FER: variants seen among roughly 807,000 people sequenced by gnomAD.
FER encodes the protein tyrosine-protein kinase Fer.
Under a neutral mutation model 111.0 loss-of-function variants are expected in FER, and 63 were observed. That is an observed-to-expected ratio of 0.57 (90% CI 0.46 to 0.70). FER has a LOEUF of 0.70. Ranked by LOEUF, FER falls within the 30% of genes least tolerant of loss-of-function variation. The pLI, the probability that FER is intolerant of heterozygous loss-of-function variation, is 0.00. For missense variants in FER, 914 were observed against 954.0 expected (o/e 0.96, Z 0.55); for synonymous variants, 327 against 313.9 (o/e 1.04, Z -0.44).
chr5:108,946,420 G>A (rs912046581), intron 11 of FER, among the ~76,000 whole-genome samples, 198 bp downstream of exon 11: 2 of 151,672 alleles, frequency 1.3e-5, no homozygotes, highest in Admixed American at 6.6e-5. Context: ...TATGTGTATA[G>A]TAAAATCCCA....
intron 3 of FER, among the ~76,000 whole-genome samples, chr5:108,831,234 C>A (rs1298462035): frequency 1.3e-5 from 2 of 152,084 alleles, no homozygotes; most frequent in African/African-American, 4.8e-5. Flanking sequence ...TTTGAAGATA[C>A]AGCAAGAAGA....
chr5:109,150,089 C>T (rs1413059830), intron 17 of FER, among the ~76,000 whole-genome samples: 1 of 152,114 alleles, frequency 6.6e-6, no homozygotes, highest in Non-Finnish European at 1.5e-5. Context: ...CCACCGCCAC[C>T]CCTGTTTGTG....
At chr5:108,807,493 T>G (rs1439033080) in intron 3 of FER, among the ~76,000 whole-genome samples, 1 of 152,226 alleles carries the variant, frequency 6.6e-6, no homozygotes, top group African/African-American at 2.4e-5. Flanking sequence ...CTTATTGTGC[T>G]TATTTTCATT....
chr5:109,029,772 C>T (rs1476858141), intron 13 of FER, among the ~76,000 whole-genome samples: 1 of 152,060 alleles, frequency 6.6e-6, no homozygotes, highest in Non-Finnish European at 1.5e-5. Context: ...CTTTCCTTGT[C>T]GGAAGTTTGA....
intron 10 of FER, among the ~76,000 whole-genome samples, chr5:108,933,942 A>T (rs1755072320): frequency 6.6e-6 from 1 of 152,112 alleles, no homozygotes; most frequent in Non-Finnish European, 1.5e-5. Context: ...ATTTTTGTAC[A>T]CTGATTTTGT....
intron 3 of FER, among the ~76,000 whole-genome samples, chr5:108,814,129 C>G (rs1243053597): frequency 6.6e-6 from 1 of 152,044 alleles, no homozygotes; most frequent in Non-Finnish European, 1.5e-5. Flanking sequence ...ATCCAGAATT[C>G]AATACACAGT....
Position 109,190,717 on chromosome 5 carries a change from G to A in FER, c.*3142G>A, listed in dbSNP as rs1290347084. The A allele has an allele frequency of 7.2e-5, 11 of 152,150 alleles. No individual in the cohort carries two copies. The highest frequency in any genetic ancestry group is 1.0e-4 in the Non-Finnish European group (7 of 67,992). 9.4% of individuals were successfully genotyped at this position (152,150 alleles called of 1,614,324 possible). ...AGGTCTCCAGTGAGAGGTCTCCAGTGAAAGGTCTCATGTAATTGTTTCTCT... is the reference window on the plus strand; with the variant it reads ...AGGTCTCCAGTGAGAGGTCTCCAGTAAAAGGTCTCATGTAATTGTTTCTCT... On this transcript the variant is annotated 3_prime_UTR_variant, in exon 20 of 20. Transcript: ENST00000281092.
intron 4 of FER, 108 bp from the exon 5 acceptor site, chr5:108,835,600 G>C: frequency 1.6e-6 from 1 of 621,400 alleles, no homozygotes; most frequent in Non-Finnish European, 2.8e-6. Flanking sequence ...GGACAACTCT[G>C]ACCTGTAAGT....
intron 13 of FER, among the ~76,000 whole-genome samples, chr5:108,992,877 G>A (rs1763424624): frequency 6.6e-6 from 1 of 151,382 alleles, no homozygotes; most frequent in African/African-American, 2.4e-5. Flanking sequence ...CGGCCAGGCA[G>A]AGGCGCTCCT....
intron 16 of FER, among the ~76,000 whole-genome samples, chr5:109,048,197 T>C (rs1772272422): frequency 6.6e-6 from 1 of 152,112 alleles, no homozygotes; most frequent in African/African-American, 2.4e-5. Flanking sequence ...TTTTTCATGA[T>C]TTATAATTAT....
intron 16 of FER, among the ~76,000 whole-genome samples, chr5:109,073,025 C>A (rs1368698789): frequency 6.6e-6 from 1 of 152,028 alleles, no homozygotes; most frequent in African/African-American, 2.4e-5. Flanking sequence ...TATAAAGACA[C>A]TAGTCATTGG....
intron 7 of FER, among the ~76,000 whole-genome samples, chr5:108,871,822 T>C (rs1764630984): frequency 6.6e-6 from 1 of 151,982 alleles, no homozygotes; most frequent in Non-Finnish European, 1.5e-5. Context: ...CACTTTATGA[T>C]GCGCCAAATA....
chr5:108,915,731 G>C (rs1234147005), intron 10 of FER, among the ~76,000 whole-genome samples: 1 of 151,632 alleles, frequency 6.6e-6, no homozygotes, highest in Admixed American at 6.6e-5. Context: ...ATATGTGTCA[G>C]GAGAAAGGTA....
At chr5:108,959,448 T>A in intron 13 of FER, 101 bp downstream of exon 13, 2 of 1,204,264 alleles carry the variant, frequency 1.7e-6, no homozygotes, top group Non-Finnish European at 2.2e-6. Flanking sequence ...ATGCTAGTAG[T>A]TCAGAAAAAA....
At chr5:108,811,173 G>A (rs887125622) in intron 3 of FER, among the ~76,000 whole-genome samples, 9 of 151,886 alleles carry the variant, frequency 5.9e-5, no homozygotes, top group African/African-American at 2.2e-4. Flanking sequence ...GCCTAGGTGT[G>A]AAGTGGAGAG....
intron 13 of FER, among the ~76,000 whole-genome samples, chr5:109,001,617 T>C (rs1439184238): frequency 6.6e-6 from 1 of 152,174 alleles, no homozygotes; most frequent in Non-Finnish European, 1.5e-5. Context: ...CAACATAGTG[T>C]TGGAAGTTTT....
intron 3 of FER, among the ~76,000 whole-genome samples, chr5:108,831,571 T>C (rs567553541): frequency 2.6e-5 from 4 of 152,320 alleles, no homozygotes; most frequent in African/African-American, 9.6e-5. Flanking sequence ...ATGTTCATCA[T>C]ATCATTTCAC....
Position 108,951,400 on chromosome 5 carries a change from C to T in FER, c.1330-3329C>T, listed in dbSNP as rs186023950. Among the ~76,000 whole-genome samples the T allele has an allele frequency of 5.1e-3, 779 of 152,220 alleles. 3 individuals carry two copies. Among genetic ancestry groups the T allele is most frequent in the African/African-American group, 0.017 (716 of 41,524 alleles). ...TGTTACAGGATACAGCCACTGTGCCCGGCCAAATCTTAATCTAGTGCCTTA... is the reference window on the plus strand; with the variant it reads ...TGTTACAGGATACAGCCACTGTGCCTGGCCAAATCTTAATCTAGTGCCTTA... On this transcript the variant is annotated intron_variant, in intron 11 of 19. Transcript: ENST00000281092.
intron 17 of FER, among the ~76,000 whole-genome samples, chr5:109,136,170 CA>C (rs1235981702): frequency 1.6e-4 from 25 of 151,808 alleles, no homozygotes; most frequent in African/African-American, 5.6e-4. Flanking sequence ...GTGAGAGAAT[CA>C]CTTGAACCCT....
Sources: allele counts gnomAD v4.1 joint callset (sites outside exome capture counted in the v4.1 genomes callset), GRCh38; gene constraint gnomAD v4.1.1; transcripts MANE v1.5; gene names NCBI Gene and HGNC (gene_info 2026-07-23, HGNC 2026-07-21).